AQP11: variants seen among roughly 807,000 people sequenced by gnomAD.
AQP11 encodes the protein aquaporin-11.
A neutral mutation model predicts 21.1 loss-of-function variants in AQP11; 20 were observed. The ratio of observed to expected loss-of-function variants is 0.95; its 90% CI spans 0.67 to 1.38. AQP11 has a LOEUF of 1.38. AQP11 is among the 40% of genes most tolerant of loss of function. The pLI is 0.00. For synonymous variants in AQP11, 167 were observed against 150.1 expected (o/e 1.11, Z -0.82); for missense variants, 339 against 340.4 (o/e 1.00, Z 0.03).
Position 77,590,065 on chromosome 11 carries a change from G to T in AQP11, c.73G>T (p.Val25Leu). The T allele has an allele frequency of 6.2e-7, 1 of 1,603,658 alleles. No individual in the cohort carries two copies. Residue 25 changes from valine (V) to leucine (L), a missense_variant, in exon 1 of 3, where the codon GTG (valine) becomes TTG (leucine). Coordinates refer to ENST00000313578, the MANE Select transcript of AQP11 (RefSeq NM_173039.3). ...CTCGCTGGGACTGATGCTGTCGGTGGTGCTGCTCATGGGGCTGGCCCGCGT... is the reference window on the plus strand; with the variant it reads ...CTCGCTGGGACTGATGCTGTCGGTGTTGCTGCTCATGGGGCTGGCCCGCGT... ...CTSLGLMLSVVLLMGLARVVA... is the reference protein window; with the variant it reads ...CTSLGLMLSVLLLMGLARVVA...
At chr11:77,593,019 T>C (rs1285193920) in intron 1 of AQP11, among the ~76,000 whole-genome samples, 1 of 152,236 alleles carries the variant, frequency 6.6e-6, no homozygotes, top group African/African-American at 2.4e-5. Context: ...ACTGTGCAAT[T>C]CAGTAGCCAC....
chr11:77,592,064 G>A (rs999528735), intron 1 of AQP11, among the ~76,000 whole-genome samples: 11 of 152,122 alleles, frequency 7.2e-5, no homozygotes, highest in Admixed American at 1.3e-4. Flanking sequence ...CCAGGCGTTC[G>A]AGACTAGCCT....
intron 1 of AQP11, 88 bp from the exon 2 acceptor site, chr11:77,603,468 A>G: frequency 1.1e-6 from 1 of 912,158 alleles, no homozygotes; most frequent in Non-Finnish European, 1.6e-6. Flanking sequence ...ACCTAAAATA[A>G]AAGTCACATT....
Position 77,610,262 on chromosome 11 carries a change from G to A in AQP11, c.*885G>A, listed in dbSNP as rs544658840. 6.6e-6 allele frequency: 1 copy of A among 152,208 alleles called. No homozygotes were observed. Among genetic ancestry groups the A allele is most frequent in the East Asian group, 1.9e-4 (1 of 5,188 alleles). 9.4% of individuals were successfully genotyped at this position (152,208 alleles called of 1,614,324 possible). On this transcript the variant is annotated 3_prime_UTR_variant, in exon 3 of 3. Transcript: ENST00000313578. The stretch of plus-strand genomic sequence containing the variant: ...GATTATGACTAAAGGGAAATCAAGG[G>A]TTCATAGAAACATTAAATACTTTAT...
At chr11:77,593,878 A>T (rs1368076260) in intron 1 of AQP11, among the ~76,000 whole-genome samples, 1 of 152,226 alleles carries the variant, frequency 6.6e-6, no homozygotes, top group Non-Finnish European at 1.5e-5. Flanking sequence ...ATATTCAGCC[A>T]TAAAAAGGAA....
chr11:77,601,413 A>T (rs941764447), intron 1 of AQP11, among the ~76,000 whole-genome samples: 17 of 149,924 alleles, frequency 1.1e-4, no homozygotes, highest in Non-Finnish European at 5.9e-5. Flanking sequence ...CGGTGGCACA[A>T]TCTCGACTCA....
chr11:77,608,425 C>G (rs1958858625), intron 2 of AQP11, among the ~76,000 whole-genome samples: 1 of 152,072 alleles, frequency 6.6e-6, no homozygotes, highest in African/African-American at 2.4e-5. Context: ...CCAGACTGGC[C>G]AACATGGTGA....
At chr11:77,605,227 G>T (rs758934096) in intron 2 of AQP11, among the ~76,000 whole-genome samples, 2 of 152,174 alleles carry the variant, frequency 1.3e-5, no homozygotes, top group African/African-American at 4.8e-5. Context: ...AGTTAAAAAG[G>T]TCACTAATGT....
chr11:77,594,727 A>G (rs1958768226), intron 1 of AQP11, among the ~76,000 whole-genome samples: 1 of 152,224 alleles, frequency 6.6e-6, no homozygotes, highest in Admixed American at 6.5e-5. Context: ...TTTTAGGATT[A>G]CAGAACATAA....
chr11:77,609,313 T>C lies in AQP11; in HGVS notation c.752T>C (p.Ile251Thr), dbSNP rs1351749534. The change falls in exon 3 of 3, where the codon ATT becomes ACT. Residue 251 changes from isoleucine to threonine, a missense_variant. Ile to Thr is a moderately conservative substitution (Grantham distance 89). Transcript: ENST00000313578. ...LAPSLGILLMILMFSFFLPWL... is the reference protein window; with the variant it reads ...LAPSLGILLMTLMFSFFLPWL... ...TGTCTTTCAGGTATATTGTTGATGATTTTGATGTTCAGCTTTTTCCTTCCA... is the reference window on the plus strand; with the variant it reads ...TGTCTTTCAGGTATATTGTTGATGACTTTGATGTTCAGCTTTTTCCTTCCA... 1 of 1,612,830 alleles carries C rather than the reference T, an allele frequency of 6.2e-7. No individual in the cohort carries two copies. Among genetic ancestry groups the C allele is most frequent in the East Asian group, 2.2e-5 (1 of 44,808 alleles).
In AQP11 at chr11:77,590,427, G is replaced by C; in HGVS notation, c.435G>C (p.Gln145His). Reference protein sequence around the residue: ...TSALWSLGLTQYHVSERSFAC... With the variant: ...TSALWSLGLTHYHVSERSFAC... ...CCTTGTGGAGCTTGGGTCTGACCCAGTATCACGTCAGCGAGAGGAGCTTCG... is the reference window on the plus strand; with the variant it reads ...CCTTGTGGAGCTTGGGTCTGACCCACTATCACGTCAGCGAGAGGAGCTTCG... Residue 145 changes from glutamine to histidine, a missense_variant, in exon 1 of 3, where the codon CAG becomes CAC. Gln to His is a conservative substitution (Grantham distance 24). Transcript: ENST00000313578. The C allele has an allele frequency of 6.2e-7, 1 of 1,614,088 alleles. No individual in the cohort carries two copies. Among genetic ancestry groups the C allele is most frequent in the African/African-American group, 1.3e-5 (1 of 75,038 alleles).
chr11:77,590,534 T>C lies in AQP11; in HGVS notation c.542T>C (p.Leu181Pro). The C allele has an allele frequency of 6.2e-7, 1 of 1,614,226 alleles. No individual in the cohort carries two copies. Reference sequence around the variant, plus strand: ...TGCTCCTTTCTCTTCCACAGCGCTCTGCTGCACTTCCAGGAAGTCCGAACC... The same window carrying C: ...TGCTCCTTTCTCTTCCACAGCGCTCCGCTGCACTTCCAGGAAGTCCGAACC... ...AVCSFLFHSA[L>P]LHFQEVRTKL... The change falls in exon 1 of 3, where the codon CTG (leucine) becomes CCG (proline). Residue 181 changes from leucine (L) to proline (P), a missense_variant. Coordinates refer to ENST00000313578, the MANE Select transcript of AQP11 (RefSeq NM_173039.3).
intron 1 of AQP11, among the ~76,000 whole-genome samples, chr11:77,596,060 T>G (rs948417762): frequency 8.6e-5 from 13 of 151,754 alleles, no homozygotes; most frequent in Non-Finnish European, 1.5e-5. Flanking sequence ...GTTATGCCAG[T>G]ATAATATAGT....
chr11:77,609,338 A>G lies in AQP11; in HGVS notation c.777A>G (p.Pro259=). 6.2e-7 allele frequency: 1 copy of G among 1,613,234 alleles called. No individual in the cohort carries two copies. The highest frequency in any genetic ancestry group is 8.5e-7 in the Non-Finnish European group (1 of 1,179,672). The change falls in exon 3 of 3, where the codon CCA becomes CCG. Residue 259 remains proline, a synonymous_variant. Coordinates refer to ENST00000313578, the MANE Select transcript of AQP11 (RefSeq NM_173039.3). The part of the protein sequence containing the change: ...LMILMFSFFL[P]WLHNNHTINK... ...TTTTGATGTTCAGCTTTTTCCTTCCATGGCTGCATAACAACCATACAATTA... is the reference window on the plus strand; with the variant it reads ...TTTTGATGTTCAGCTTTTTCCTTCCGTGGCTGCATAACAACCATACAATTA...
chr11:77,606,642 C>T lies in AQP11; in HGVS notation c.737-2656C>T, dbSNP rs73500756. 2.4e-3 allele frequency among the ~76,000 whole-genome samples: 370 copies of T among 152,248 alleles called. 4 individuals are homozygous for T. Among genetic ancestry groups the T allele is most frequent in the Middle Eastern group, 0.014 (4 of 294 alleles). On this transcript the variant is annotated intron_variant, in intron 2 of 2. Transcript: ENST00000313578. ...TTGGCTGCAACCTCTGCCTCGCAGG[C>T]GCAAGCGATCCTCCTGTCCCAGCCT... is the stretch of plus-strand genomic sequence containing the variant.
At chr11:77,593,451 C>T (rs182186381) in intron 1 of AQP11, among the ~76,000 whole-genome samples, 4 of 152,198 alleles carry the variant, frequency 2.6e-5, no homozygotes, top group African/African-American at 4.8e-5. Context: ...CTGGCTAACA[C>T]GGTGAAACCC....
Position 77,603,681 on chromosome 11 carries a change from A to G in AQP11, c.736+9A>G, listed in dbSNP as rs1259406361. 10 of 1,531,942 alleles carry G rather than the reference A, an allele frequency of 6.5e-6. No homozygotes were observed. Among genetic ancestry groups the G allele is most frequent in the Middle Eastern group, 1.7e-4 (1 of 5,864 alleles). 94.9% of individuals were successfully genotyped at this position (1,531,942 alleles called of 1,614,324 possible). A position where few individuals can be genotyped will look rare whatever the true frequency, so the allele number is the denominator to read the frequency against. Reference sequence around the variant, plus strand: ...GCTGGCTCCTTCTTTAGGTAAGCGTATTTTTATTTAATATGTCTGAAAGAT... The same window carrying G: ...GCTGGCTCCTTCTTTAGGTAAGCGTGTTTTTATTTAATATGTCTGAAAGAT... On this transcript the variant is annotated intron_variant, in intron 2 of 2. Transcript: ENST00000313578.
intron 1 of AQP11, among the ~76,000 whole-genome samples, chr11:77,592,650 A>C (rs548283904): frequency 1.3e-5 from 2 of 152,354 alleles, no homozygotes; most frequent in African/African-American, 4.8e-5. Context: ...TCAGTGACAA[A>C]AAATTTGAGA....
At chr11:77,597,865 T>C (rs1429862189) in intron 1 of AQP11, among the ~76,000 whole-genome samples, 1 of 152,056 alleles carries the variant, frequency 6.6e-6, no homozygotes, top group Non-Finnish European at 1.5e-5. Context: ...GCGATTCTCC[T>C]GCCTCAGCCT....
Sources: allele counts gnomAD v4.1 joint callset (sites outside exome capture counted in the v4.1 genomes callset), GRCh38; gene constraint gnomAD v4.1.1; transcripts MANE v1.5; gene names NCBI Gene and HGNC (gene_info 2026-07-23, HGNC 2026-07-21).